The following TET3 variants were observed in gnomAD, a reference collection of about 807,000 sequenced individuals.
TET3 encodes methylcytosine dioxygenase TET3.
A neutral mutation model predicts 141.4 loss-of-function variants in TET3; 19 were observed. The ratio of observed to expected loss-of-function variants is 0.13; its 90% CI spans 0.09 to 0.20. The LOEUF is 0.20. Among genes scored for constraint, TET3 ranks in the 10% least tolerant of loss-of-function variants. The pLI is 1.00. For missense variants in TET3, 1,874 were observed against 2,356.9 expected (o/e 0.80, Z 4.24); for synonymous variants, 1,043 against 980.9 (o/e 1.06, Z -1.18).
At chr2:74,000,250 C>T (rs1320740184) in intron 2 of TET3, among the ~76,000 whole-genome samples, 5 of 152,318 alleles carry the variant, frequency 3.3e-5, no homozygotes, top group Non-Finnish European at 5.9e-5. Context: ...AGTGCCCAGC[C>T]CCCTGCCTCT....
chr2:73,986,752 C>T (rs1684047459), intron 2 of TET3, 46 bp downstream of exon 2: 16 of 1,227,568 alleles, frequency 1.3e-5, no homozygotes, highest in Non-Finnish European at 1.6e-5. Flanking sequence ...CTCGAGGGCA[C>T]GGTGATCACG....
At chr2:74,117,902 C>A in the TET3 span, among the ~76,000 whole-genome samples, 1 of 152,036 alleles carries the variant, frequency 6.6e-6, no homozygotes. Context: ...CCCACCACCA[C>A]ACCCAGCTAA....
rs536232840 is a variant in TET3 at position 74,107,488 on chromosome 2, T to C, written c.*5312T>C. ...GATTTAAATTAAGAAACTAATTGGCTCATGTGAACATTCCAAATTTTCTTG... is the reference window on the plus strand; with the variant it reads ...GATTTAAATTAAGAAACTAATTGGCCCATGTGAACATTCCAAATTTTCTTG... On this transcript the variant is annotated 3_prime_UTR_variant, in exon 12 of 12. Transcript: ENST00000409262. 6.6e-6 allele frequency: 1 copy of C among 152,334 alleles called. No individual in the cohort carries two copies. Among genetic ancestry groups the C allele is most frequent in the South Asian group, 2.1e-4 (1 of 4,824 alleles). 9.4% of individuals were successfully genotyped at this position (152,334 alleles called of 1,614,324 possible). A position where few individuals can be genotyped will look rare whatever the true frequency, so the allele number is the denominator to read the frequency against.
At chr2:74,033,963 G>A (rs1352738925) in intron 3 of TET3, among the ~76,000 whole-genome samples, 1 of 152,104 alleles carries the variant, frequency 6.6e-6, no homozygotes, top group Non-Finnish European at 1.5e-5. Flanking sequence ...AGGGATAGTG[G>A]TGGGCACCTG....
intron 3 of TET3, among the ~76,000 whole-genome samples, chr2:74,007,977 A>G (rs959777404): frequency 2.6e-5 from 4 of 152,172 alleles, no homozygotes; most frequent in South Asian, 2.1e-4. Context: ...CTTGGATGTC[A>G]TGGTAGCTTT....
At chr2:74,095,093 G>T (rs1227208775) in intron 10 of TET3, among the ~76,000 whole-genome samples, 4 of 152,182 alleles carry the variant, frequency 2.6e-5, no homozygotes, top group Non-Finnish European at 5.9e-5. Context: ...TGGGCAGACA[G>T]GGCTTCCAGG....
intron 3 of TET3, among the ~76,000 whole-genome samples, chr2:74,018,744 C>CT (rs10717099): frequency 0.025 from 3,399 of 137,064 alleles, 137 homozygotes; most frequent in African/African-American, 0.083. Flanking sequence ...ATACTTCTTA[C>CT]TTTTTTTTTT....
chr2:74,064,599 G>A (rs907269289), intron 4 of TET3, among the ~76,000 whole-genome samples: 1 of 151,980 alleles, frequency 6.6e-6, no homozygotes, highest in Admixed American at 6.6e-5. Context: ...TTTTGGTAGA[G>A]GTGGGGTTTC....
At chr2:74,041,872 C>T (rs1026780110) in intron 3 of TET3, among the ~76,000 whole-genome samples, 3 of 152,164 alleles carry the variant, frequency 2.0e-5, no homozygotes, top group Non-Finnish European at 4.4e-5. Context: ...ACAGATGTGG[C>T]TTGGGGCCTA....
intron 3 of TET3, among the ~76,000 whole-genome samples, chr2:74,043,488 C>T (rs1345498872): frequency 3.3e-5 from 5 of 151,976 alleles, no homozygotes; most frequent in South Asian, 2.1e-4. Flanking sequence ...TAGTGGCATG[C>T]GATAAGTGCT....
chr2:74,109,439 T>G (rs1176962063), downstream of TET3, among the ~76,000 whole-genome samples: 1 of 152,258 alleles, frequency 6.6e-6, no homozygotes, highest in East Asian at 1.9e-4. Flanking sequence ...TCTTTATCAG[T>G]ATGCAGAATA....
intron 3 of TET3, among the ~76,000 whole-genome samples, chr2:74,025,641 A>G (rs952099956): frequency 1.3e-5 from 2 of 152,222 alleles, no homozygotes; most frequent in East Asian, 1.9e-4. Flanking sequence ...ATGTGGATAC[A>G]GCATTATTAT....
At chr2:74,017,617 G>C (rs149710664) in intron 3 of TET3, among the ~76,000 whole-genome samples, 1 of 151,954 alleles carries the variant, frequency 6.6e-6, no homozygotes, top group African/African-American at 2.4e-5. Flanking sequence ...TTATGTGCAC[G>C]TACCACGTGT....
Position 74,047,952 on chromosome 2 carries a change from C to G in TET3, c.2035C>G (p.Pro679Ala). ...TCCCTCCAGGGACAGCCTGCTGCCC[C>G]CTACTCAGGAAATGAGGTCCCCCAG... ...PSPSRDSLLP[P>A]TQEMRSPSPM... Residue 679 changes from proline (P) to alanine (A), a missense_variant, in exon 4 of 12, where the codon CCT becomes GCT. By Grantham distance (27) the Pro-to-Ala change is conservative (BLOSUM62 -1). Coordinates refer to ENST00000409262, the MANE Select transcript of TET3 (RefSeq NM_001287491.2). 1 of 1,613,508 alleles carries G rather than the reference C, an allele frequency of 6.2e-7. No individual in the cohort carries two copies. Among genetic ancestry groups the G allele is most frequent in the Non-Finnish European group, 8.5e-7 (1 of 1,179,692 alleles).
At chr2:73,998,533 C>G (rs1433055867) in intron 2 of TET3, 2 of 152,508 alleles carry the variant, frequency 1.3e-5, no homozygotes, top group Admixed American at 6.5e-5. Flanking sequence ...AGAGAAGCAT[C>G]TTTTCTTCTT....
chr2:73,997,993 TGAG>T (rs1253010063), intron 2 of TET3, among the ~76,000 whole-genome samples: 3 of 152,086 alleles, frequency 2.0e-5, no homozygotes, highest in Non-Finnish European at 2.9e-5. Flanking sequence ...ATGTGAAGGA[TGAG>T]GAGGAGAAGG....
At position 74,072,440 on chromosome 2, in the gene TET3, A is replaced by T. The variant is rs193045515; in HGVS notation, c.2495-1109A>T. On this transcript the variant is annotated intron_variant, in intron 4 of 11. Coordinates refer to ENST00000409262, the MANE Select transcript of TET3 (RefSeq NM_001287491.2). ...GGCATGAGAATTACTTGAACCTGGG[A>T]GGCGGAGGTTGCAGTGAGCCAAGAT... Among the ~76,000 whole-genome samples, 185 of 151,696 alleles carry T rather than the reference A, an allele frequency of 1.2e-3. 3 individuals carry two copies. The East Asian group carries it at 0.032, about 26-fold the overall frequency.
Position 74,031,346 on chromosome 2 carries a change from C to T in TET3, c.361-14932C>T, listed in dbSNP as rs147950519. ...ACAGGCCAGAGAGACGAGGGACCCCCGTGGCCTTCCTCATCACCCCGACTC... is the reference window on the plus strand; with the variant it reads ...ACAGGCCAGAGAGACGAGGGACCCCTGTGGCCTTCCTCATCACCCCGACTC... On this transcript the variant is annotated intron_variant, in intron 3 of 11. Transcript: ENST00000409262. Among the ~76,000 whole-genome samples the T allele has an allele frequency of 1.8e-4, 28 of 152,162 alleles. 1 individual carries two copies. In the East Asian group the frequency reaches 4.1e-3, roughly 22 times the overall value.
chr2:74,077,889 C>A (rs1689601261), intron 5 of TET3, among the ~76,000 whole-genome samples: 1 of 152,216 alleles, frequency 6.6e-6, no homozygotes. Flanking sequence ...AGGCCCTGCC[C>A]TTATGGGTGG....
Sources: allele counts gnomAD v4.1 joint callset (sites outside exome capture counted in the v4.1 genomes callset), GRCh38; gene constraint gnomAD v4.1.1; transcripts MANE v1.5; gene names NCBI Gene and HGNC (gene_info 2026-07-23, HGNC 2026-07-21).